Variants in PRKN observed in about 807,000 individuals in gnomAD.
PRKN encodes parkin RBR E3 ubiquitin protein ligase.
PRKN carries 56 observed loss-of-function variants against 59.5 expected under a neutral mutation model. The observed-to-expected ratio is 0.94, with a 90% CI of 0.76 to 1.18. The LOEUF is 1.18. Ranked by LOEUF, PRKN falls within the 50% of genes most tolerant of loss-of-function variation. PRKN has a pLI of 0.00. For missense variants in PRKN, 657 were observed against 596.4 expected, an observed-to-expected ratio of 1.10 and a Z score of -1.06; for synonymous variants, 250 against 222.1, an observed-to-expected ratio of 1.13 and a Z score of -1.12.
In PRKN at chr6:161,780,946, C is replaced by T. The variant is rs147430351; in HGVS notation, c.871+4826G>A. 4.1e-4 allele frequency among the ~76,000 whole-genome samples: 63 copies of T among 152,246 alleles called. No homozygotes were observed. The East Asian group carries it at 0.011, about 27-fold the overall frequency. On this transcript the variant is annotated intron_variant, in intron 7 of 11. Coordinates refer to ENST00000366898, the MANE Select transcript of PRKN (RefSeq NM_004562.3). ...ATTGGATATACAGTTTTTAAAAAGG[C>T]TGAAATAACACATGCTAAACAATCT...
chr6:162,476,297 C>T (rs1792014643), intron 1 of PRKN, among the ~76,000 whole-genome samples: 1 of 150,542 alleles, frequency 6.6e-6, no homozygotes, highest in African/African-American at 2.4e-5. Context: ...ATCTCAAACT[C>T]CCGACCTCAG....
At chr6:161,364,913 G>T (rs1263380109) in intron 10 of PRKN, among the ~76,000 whole-genome samples, 1 of 148,576 alleles carries the variant, frequency 6.7e-6, no homozygotes, top group Non-Finnish European at 1.5e-5. Context: ...CCTGGGCAAC[G>T]GAGTGAGACT....
chr6:162,616,809 G>A (rs541873648), intron 1 of PRKN, among the ~76,000 whole-genome samples: 1 of 152,008 alleles, frequency 6.6e-6, no homozygotes, highest in Non-Finnish European at 1.5e-5. Flanking sequence ...CAATATAATC[G>A]AGAAATGCTC....
rs73028955 is a variant in PRKN at position 162,337,813 on chromosome 6, G to C, written c.172-75048C>G. On this transcript the variant is annotated intron_variant, in intron 2 of 11. Transcript: ENST00000366898. ...ATGAAACAGATGAATACAAAAGTAC[G>C]CTGAAGAGACTGATGTTAAATGGAA... Among the ~76,000 whole-genome samples the C allele has an allele frequency of 3.3e-4, 50 of 152,184 alleles. 1 individual carries two copies. The highest frequency in any genetic ancestry group is 1.2e-3 in the African/African-American group (49 of 41,524).
rs7752539 is a variant in PRKN at position 162,714,725 on chromosome 6, A to G, written c.7+12937T>C. ...AGAGCATTTCATGGAGAAAAGCTGCATTAGGGAAACAAGTAAATACAGACC... is the reference window on the plus strand; with the variant it reads ...AGAGCATTTCATGGAGAAAAGCTGCGTTAGGGAAACAAGTAAATACAGACC... On this transcript the variant is annotated intron_variant, in intron 1 of 11. Transcript: ENST00000366898. 4.9e-3 allele frequency among the ~76,000 whole-genome samples: 742 copies of G among 152,368 alleles called. 8 individuals are homozygous for G. Among genetic ancestry groups the G allele is most frequent in the African/African-American group, 0.017 (687 of 41,582 alleles).
chr6:161,974,470 G>A (rs369484236), intron 5 of PRKN, among the ~76,000 whole-genome samples: 9 of 152,142 alleles, frequency 5.9e-5, no homozygotes, highest in African/African-American at 1.4e-4. Context: ...CATAGGTCAC[G>A]TTCTTTTGAT....
rs1781606060 is a variant in PRKN, at chr6:161,588,681, C to T, written c.872-19265G>A. On this transcript the variant is annotated intron_variant, in intron 7 of 11. Transcript: ENST00000366898. The surrounding 1 kb of genome is among the most constrained non-coding windows in gnomAD (Gnocchi z 5.0). The stretch of plus-strand genomic sequence containing the variant: ...ACTTGGTTCTGAGTTTCCCAGCAAT[C>T]AGAACAAAGAGGGCACCACAATCCC... Among the ~76,000 whole-genome samples, 1 of 151,952 alleles carries T rather than the reference C, an allele frequency of 6.6e-6. No individual in the cohort carries two copies. Among genetic ancestry groups the T allele is most frequent in the South Asian group, 2.1e-4 (1 of 4,794 alleles).
At chr6:162,435,122 G>C in intron 2 of PRKN, among the ~76,000 whole-genome samples, 1 of 152,208 alleles carries the variant, frequency 6.6e-6, no homozygotes, top group East Asian at 1.9e-4. Flanking sequence ...CACAGTTTCA[G>C]TATGGCATCT....
intron 2 of PRKN, among the ~76,000 whole-genome samples, chr6:162,389,068 A>C (rs1043147618): frequency 7.3e-5 from 11 of 151,198 alleles, no homozygotes; most frequent in South Asian, 2.1e-4. Context: ...TATGTAAATG[A>C]GGAGAAAGTA....
chr6:162,051,491 G>A (rs901973801), intron 5 of PRKN, among the ~76,000 whole-genome samples: 3 of 152,156 alleles, frequency 2.0e-5, no homozygotes, highest in Admixed American at 6.5e-5. Context: ...CTGTGCACGC[G>A]CCTCCGCATC....
At chr6:162,588,303 G>A (rs36007635) in intron 1 of PRKN, among the ~76,000 whole-genome samples, 15,473 of 151,388 alleles carry the variant, frequency 0.1, 933 homozygotes, top group Middle Eastern at 0.19. Flanking sequence ...GCACCGCGGC[G>A]CCCACCGGAA....
chr6:162,669,259 C>T (rs1472748943), intron 1 of PRKN, among the ~76,000 whole-genome samples: 1 of 151,870 alleles, frequency 6.6e-6, no homozygotes, highest in Non-Finnish European at 1.5e-5. Flanking sequence ...TTCTTATGCT[C>T]TTCACATCTG....
chr6:162,104,705 T>G (rs1344479973), intron 4 of PRKN, among the ~76,000 whole-genome samples: 1 of 152,166 alleles, frequency 6.6e-6, no homozygotes, highest in Non-Finnish European at 1.5e-5. Context: ...CAATTGTTGC[T>G]GGTCCACGTT....
At chr6:162,642,615 T>C (rs1290584206) in intron 1 of PRKN, among the ~76,000 whole-genome samples, 1 of 151,976 alleles carries the variant, frequency 6.6e-6, no homozygotes, top group Non-Finnish European at 1.5e-5. Flanking sequence ...AATATAAGTA[T>C]AGTAGTGTCG....
chr6:161,507,570 G>C (rs981932659), intron 9 of PRKN, among the ~76,000 whole-genome samples: 4 of 152,168 alleles, frequency 2.6e-5, no homozygotes, highest in African/African-American at 9.7e-5. Context: ...GCTGGGGACA[G>C]CCAAGCTTTC....
rs1369616567 is a variant in PRKN at position 161,454,813 on chromosome 6, T to C, written c.1084-67936A>G. ...TGGTCCATAACTTCATCTAGGTCAC[T>C]GCTGAGACATCACCTCTCCAGTAAA... On this transcript the variant is annotated intron_variant, in intron 9 of 11. Coordinates refer to ENST00000366898, the MANE Select transcript of PRKN (RefSeq NM_004562.3). The surrounding 1 kb of genome is among the most constrained non-coding windows in gnomAD (Gnocchi z 4.6). Among the ~76,000 whole-genome samples the C allele has an allele frequency of 6.6e-6, 1 of 152,168 alleles. No homozygotes were observed. Among genetic ancestry groups the C allele is most frequent in the Admixed American group, 6.5e-5 (1 of 15,282 alleles).
chr6:162,160,890 CAAAAAAAAAAAA>C (rs56320816), intron 4 of PRKN, among the ~76,000 whole-genome samples: 2 of 80,264 alleles, frequency 2.5e-5, no homozygotes, highest in Non-Finnish European at 4.5e-5. Context: ...GACTCCGTCT[CAAAAAAAAAAAA>C]AAAAAAAAAA....
At chr6:162,658,718 A>G (rs944998753) in intron 1 of PRKN, among the ~76,000 whole-genome samples, 1 of 151,802 alleles carries the variant, frequency 6.6e-6, no homozygotes, top group Non-Finnish European at 1.5e-5. Flanking sequence ...ACAAAAGAAA[A>G]AAAAAAGAAA....
At chr6:162,650,109 T>G (rs1778361621) in intron 1 of PRKN, among the ~76,000 whole-genome samples, 1 of 152,192 alleles carries the variant, frequency 6.6e-6, no homozygotes, top group Non-Finnish European at 1.5e-5. Flanking sequence ...TTAAAAAGTT[T>G]CATATTCATT....
Sources: allele counts gnomAD v4.1 joint callset (sites outside exome capture counted in the v4.1 genomes callset), GRCh38; gene constraint gnomAD v4.1.1; non-coding constraint Gnocchi (gnomAD v3.1); transcripts MANE v1.5; gene names NCBI Gene and HGNC (gene_info 2026-07-23, HGNC 2026-07-21).